SEL1L3: variants seen among roughly 807,000 people sequenced by gnomAD.
The protein encoded by SEL1L3 is SEL1L family member 3, also known as protein sel-1 homolog 3.
SEL1L3 carries 76 observed loss-of-function variants against 142.8 expected under a neutral mutation model. The ratio of observed to expected loss-of-function variants is 0.53; its 90% CI spans 0.44 to 0.64. The LOEUF (loss-of-function observed/expected upper bound fraction) is 0.64, where lower values mean the gene tolerates loss of function less well. SEL1L3 is among the 30% of genes least tolerant of loss of function. The probability of loss-of-function intolerance (pLI) is 0.00; values close to 1 mark genes in which losing one functional copy is unlikely to be tolerated. For synonymous variants in SEL1L3, 504 were observed against 519.6 expected (o/e 0.97, Z 0.41); for missense variants, 1,262 against 1,381.7 (o/e 0.91, Z 1.37).
chr4:25,830,799 C>A (rs1040782849), intron 5 of SEL1L3, among the ~76,000 whole-genome samples: 2 of 152,204 alleles, frequency 1.3e-5, no homozygotes, highest in African/African-American at 4.8e-5. Flanking sequence ...GACACTTGGT[C>A]TATGAAAGAC....
chr4:25,842,379 G>A (rs1201676920), intron 2 of SEL1L3, among the ~76,000 whole-genome samples: 5 of 151,938 alleles, frequency 3.3e-5, no homozygotes, highest in East Asian at 1.9e-4. Flanking sequence ...GTGTTGCTTC[G>A]TGGGCAGGGG....
intron 23 of SEL1L3, chr4:25,756,879 C>T: frequency 7.8e-7 from 1 of 1,284,546 alleles, no homozygotes; most frequent in South Asian, 1.2e-5. Flanking sequence ...AGCTTTGGCG[C>T]TGTGTTTTCA....
chr4:25,742,271 G>A, the SEL1L3 span, among the ~76,000 whole-genome samples: 1 of 151,736 alleles, frequency 6.6e-6, no homozygotes, highest in South Asian at 2.1e-4. Context: ...TTGCAGCCTC[G>A]ATCTTCTGGG....
chr4:25,779,031 A>G (rs1045558194), intron 16 of SEL1L3, 45 bp downstream of exon 16: 13 of 1,595,508 alleles, frequency 8.1e-6, no homozygotes, highest in Non-Finnish European at 1.1e-5. Context: ...CAGAGAATAT[A>G]GGATATGGCT....
chr4:25,733,544 T>C, the SEL1L3 span, among the ~76,000 whole-genome samples: 98,378 of 137,986 alleles, frequency 0.71, 35,360 homozygotes, highest in East Asian at 0.8. Flanking sequence ...TTTTTTGAGA[T>C]GGAGTCTCAC....
At chr4:25,742,532 G>C (rs1203985968), downstream of SEL1L3, among the ~76,000 whole-genome samples, 7 of 151,852 alleles carry the variant, frequency 4.6e-5, no homozygotes, top group Non-Finnish European at 8.8e-5. Context: ...TCCTGACCTC[G>C]TGATCTGCCT....
At chr4:25,831,505 A>G (rs990595691) in intron 5 of SEL1L3, among the ~76,000 whole-genome samples, 1 of 93,676 alleles carries the variant, frequency 1.1e-5, no homozygotes, top group African/African-American at 5.0e-5. Flanking sequence ...AATAATAATA[A>G]TAATAATTAT....
At chr4:25,796,323 A>G (rs951454818) in intron 11 of SEL1L3, among the ~76,000 whole-genome samples, 2 of 152,104 alleles carry the variant, frequency 1.3e-5, no homozygotes, top group African/African-American at 4.8e-5. Context: ...GCTGGGGCGC[A>G]GTGGCTCACG....
chr4:25,791,558 C>T (rs1712337385), intron 11 of SEL1L3, among the ~76,000 whole-genome samples: 1 of 152,212 alleles, frequency 6.6e-6, no homozygotes, highest in African/African-American at 2.4e-5. Context: ...AGCCATGCCA[C>T]AGGCAGATGG....
chr4:25,808,366 C>A (rs1713743028), intron 9 of SEL1L3, among the ~76,000 whole-genome samples: 1 of 152,110 alleles, frequency 6.6e-6, no homozygotes, highest in Non-Finnish European at 1.5e-5. Flanking sequence ...ATTTATTTTG[C>A]TTTTTTCCCC....
the SEL1L3 span, among the ~76,000 whole-genome samples, chr4:25,734,401 G>A: frequency 7.9e-5 from 12 of 152,042 alleles, no homozygotes; most frequent in African/African-American, 2.9e-4. Context: ...CTTTATCTGC[G>A]TCTATTGAGA....
chr4:25,810,970 G>T (rs1378197591), intron 9 of SEL1L3, among the ~76,000 whole-genome samples: 3 of 152,234 alleles, frequency 2.0e-5, no homozygotes, highest in African/African-American at 7.2e-5. Flanking sequence ...AGTGGGAACA[G>T]CTGTGTCTTA....
the SEL1L3 span, among the ~76,000 whole-genome samples, chr4:25,736,066 T>A: frequency 1.3e-5 from 2 of 151,956 alleles, no homozygotes; most frequent in East Asian, 3.9e-4. Flanking sequence ...CCTGACCTCG[T>A]GATCCACCCG....
chr4:25,804,048 G>A (rs1232918443), intron 10 of SEL1L3, among the ~76,000 whole-genome samples: 1 of 152,186 alleles, frequency 6.6e-6, no homozygotes, highest in Non-Finnish European at 1.5e-5. Flanking sequence ...CTATGAAAAT[G>A]TAATTCTAAA....
At chr4:25,831,491 A>AAATAATAAT (rs1174295839) in intron 5 of SEL1L3, among the ~76,000 whole-genome samples, 13 of 134,826 alleles carry the variant, frequency 9.6e-5, no homozygotes, top group East Asian at 2.1e-4. Context: ...AATTATTTTT[A>AAATAATAAT]AATAATAATA....
At chr4:25,755,179 G>A (rs111323010) in intron 23 of SEL1L3, among the ~76,000 whole-genome samples, 1 of 152,098 alleles carries the variant, frequency 6.6e-6, no homozygotes, top group African/African-American at 2.4e-5. Context: ...GAACTTCTGG[G>A]TGCAAAAAAT....
chr4:25,781,718 T>C lies in SEL1L3; in HGVS notation c.2457+524A>G, dbSNP rs537541953. On this transcript the variant is annotated intron_variant, in intron 15 of 23. Transcript: ENST00000399878. ...AAAATGGACATAACCAGAGTATTAA[T>C]AGCTATTTCAGAGGAGAATTAGGAT... Among the ~76,000 whole-genome samples the C allele has an allele frequency of 1.2e-4, 18 of 152,256 alleles. 1 individual carries two copies. The South Asian group carries it at 3.1e-3, about 26-fold the overall frequency.
At chr4:25,824,702 G>A (rs1714982636) in intron 6 of SEL1L3, among the ~76,000 whole-genome samples, 1 of 152,136 alleles carries the variant, frequency 6.6e-6, no homozygotes, top group Non-Finnish European at 1.5e-5. Flanking sequence ...GCCGAGGTGG[G>A]GGGATCACTT....
chr4:25,743,356 A>G (rs771716407), downstream of SEL1L3, among the ~76,000 whole-genome samples: 1 of 152,172 alleles, frequency 6.6e-6, no homozygotes, highest in South Asian at 2.1e-4. Context: ...AAGTAACTGA[A>G]TATCACCTCT....
Sources: allele counts gnomAD v4.1 joint callset (sites outside exome capture counted in the v4.1 genomes callset), GRCh38; gene constraint gnomAD v4.1.1; transcripts MANE v1.5; gene names NCBI Gene and HGNC (gene_info 2026-07-23, HGNC 2026-07-21).